GABRB1: variants seen among roughly 807,000 people sequenced by gnomAD.
The protein encoded by GABRB1 is gamma-aminobutyric acid type A receptor subunit beta1.
Under a neutral mutation model 51.6 loss-of-function variants are expected in GABRB1, and 17 were observed. The observed-to-expected ratio is 0.33, with a 90% CI of 0.23 to 0.49. The LOEUF is 0.49. Among genes scored for constraint, GABRB1 ranks in the 20% least tolerant of loss-of-function variants. The pLI, the probability that GABRB1 is intolerant of heterozygous loss-of-function variation, is 0.99. For missense variants in GABRB1, 410 were observed against 600.6 expected (o/e 0.68, Z 3.32); for synonymous variants, 247 against 218.9 (o/e 1.13, Z -1.14).
chr4:47,246,868 T>C (rs1721780118), intron 4 of GABRB1, among the ~76,000 whole-genome samples: 1 of 152,062 alleles, frequency 6.6e-6, no homozygotes, highest in South Asian at 2.1e-4. Flanking sequence ...CACTTTTTGA[T>C]GGGATTTTTT....
intron 4 of GABRB1, among the ~76,000 whole-genome samples, chr4:47,306,280 G>A (rs2109945378): frequency 6.6e-6 from 1 of 150,430 alleles, no homozygotes; most frequent in Non-Finnish European, 1.5e-5. Context: ...AAGAAGGGAA[G>A]GGGAGGAAAA....
chr4:47,052,925 A>T (rs1577863179), intron 3 of GABRB1, among the ~76,000 whole-genome samples: 1 of 152,310 alleles, frequency 6.6e-6, no homozygotes, highest in East Asian at 1.9e-4. Flanking sequence ...TGGAAATCAG[A>T]GAAGAAATTA....
chr4:47,094,231 T>C (rs1367336462), intron 3 of GABRB1, among the ~76,000 whole-genome samples: 6 of 57,298 alleles, frequency 1.0e-4, no homozygotes, highest in African/African-American at 3.2e-4. Context: ...TTTTTTCTCT[T>C]TTTTTTTTTT....
At chr4:47,333,348 A>G (rs889374834) in intron 5 of GABRB1, among the ~76,000 whole-genome samples, 1 of 151,594 alleles carries the variant, frequency 6.6e-6, no homozygotes, top group Non-Finnish European at 1.5e-5. Flanking sequence ...CCACTTTAGC[A>G]ACATTCTCTG....
intron 3 of GABRB1, among the ~76,000 whole-genome samples, chr4:47,066,663 C>T (rs999371454): frequency 4.6e-5 from 7 of 152,176 alleles, no homozygotes; most frequent in African/African-American, 1.7e-4. Flanking sequence ...GAGATTGCAA[C>T]AATTCAGTCA....
At chr4:47,290,289 G>A (rs1375994596) in intron 4 of GABRB1, among the ~76,000 whole-genome samples, 1 of 152,180 alleles carries the variant, frequency 6.6e-6, no homozygotes, top group African/African-American at 2.4e-5. Flanking sequence ...TATTGTAAGA[G>A]GGAGTTTTCC....
intron 3 of GABRB1, among the ~76,000 whole-genome samples, chr4:47,078,446 A>G (rs1039182151): frequency 6.6e-6 from 1 of 152,008 alleles, no homozygotes; most frequent in Non-Finnish European, 1.5e-5. Context: ...ACTTTTCACC[A>G]TTTTTATTCA....
chr4:47,116,395 A>T (rs1371803668), intron 3 of GABRB1, among the ~76,000 whole-genome samples: 1 of 152,180 alleles, frequency 6.6e-6, no homozygotes, highest in Non-Finnish European at 1.5e-5. Context: ...CCAGTGCTCA[A>T]CCTGGTGGCA....
intron 1 of GABRB1, among the ~76,000 whole-genome samples, chr4:47,003,628 C>T (rs1724295679): frequency 6.6e-6 from 1 of 152,178 alleles, no homozygotes; most frequent in Admixed American, 6.5e-5. Flanking sequence ...AGAGCTAAAA[C>T]AGAACCAGAG....
chr4:47,387,960 A>G (rs918205947), intron 5 of GABRB1, among the ~76,000 whole-genome samples: 13 of 152,284 alleles, frequency 8.5e-5, no homozygotes, highest in African/African-American at 2.4e-4. Flanking sequence ...GAGGAGTTGG[A>G]CATATTCCAA....
intron 3 of GABRB1, among the ~76,000 whole-genome samples, chr4:47,061,245 A>G (rs1726834756): frequency 1.3e-5 from 2 of 152,142 alleles, no homozygotes; most frequent in South Asian, 2.1e-4. Context: ...TCCCCCATCC[A>G]TTCTATGGAA....
chr4:47,399,344 T>C (rs891866800), intron 5 of GABRB1, among the ~76,000 whole-genome samples: 4 of 152,210 alleles, frequency 2.6e-5, no homozygotes, highest in Non-Finnish European at 4.4e-5. Flanking sequence ...ATGAAAATAA[T>C]TTAGAAATTT....
intron 5 of GABRB1, among the ~76,000 whole-genome samples, chr4:47,385,026 T>C (rs1195757781): frequency 6.6e-6 from 1 of 152,218 alleles, no homozygotes; most frequent in East Asian, 1.9e-4. Context: ...GTGAACGCTG[T>C]CATTACACTT....
rs1722390200 is a variant in GABRB1 at position 47,260,579 on chromosome 4, C to G, written c.462-59548C>G. On this transcript the variant is annotated intron_variant, in intron 4 of 8. Transcript: ENST00000295454. The stretch of plus-strand genomic sequence containing the variant: ...TGTAAAGTATTTTATTTCTCCTTCA[C>G]TTGTGAAGCTTAGTTTGGCTGGATA... Among the ~76,000 whole-genome samples the G allele has an allele frequency of 2.0e-5, 3 of 152,214 alleles. No homozygotes were observed. In the South Asian group the frequency reaches 6.2e-4, roughly 32 times the overall value.
At chr4:47,001,182 G>T (rs376258927) in intron 1 of GABRB1, among the ~76,000 whole-genome samples, 1 of 151,740 alleles carries the variant, frequency 6.6e-6, no homozygotes, top group African/African-American at 2.4e-5. Flanking sequence ...TCGCTCTGTC[G>T]CCCAGGCTGG....
intron 5 of GABRB1, among the ~76,000 whole-genome samples, chr4:47,400,477 G>T (rs1728337697): frequency 6.6e-6 from 1 of 151,704 alleles, no homozygotes; most frequent in African/African-American, 2.4e-5. Context: ...GAACAAAGTT[G>T]TAGATGGAAA....
At chr4:47,102,157 C>A (rs1714751007) in intron 3 of GABRB1, among the ~76,000 whole-genome samples, 1 of 152,000 alleles carries the variant, frequency 6.6e-6, no homozygotes, top group Non-Finnish European at 1.5e-5. Context: ...TTTCACAAGC[C>A]TTACTAATCT....
intron 5 of GABRB1, among the ~76,000 whole-genome samples, chr4:47,345,591 G>A (rs1355535941): frequency 1.3e-5 from 2 of 152,170 alleles, no homozygotes; most frequent in Admixed American, 6.5e-5. Context: ...TAATGTGGTT[G>A]TAGTAATAAG....
At chr4:47,105,922 GAA>G (rs919477642) in intron 3 of GABRB1, among the ~76,000 whole-genome samples, 1 of 151,618 alleles carries the variant, frequency 6.6e-6, no homozygotes, top group East Asian at 1.9e-4. Context: ...GTTGAGTTTT[GAA>G]AAAAAATTTT....
Sources: gnomAD v4.1 joint callset for allele counts (sites outside exome capture counted in the v4.1 genomes callset) on GRCh38, gnomAD v4.1.1 for gene constraint, MANE v1.5 for transcripts, NCBI Gene and HGNC (gene_info 2026-07-23, HGNC 2026-07-21) for gene names.